The following NKAIN3 variants were observed in gnomAD, a reference collection of about 807,000 sequenced individuals.
The protein encoded by NKAIN3 is sodium/potassium-transporting ATPase subunit beta-1-interacting protein 3.
NKAIN3 carries 25 observed loss-of-function variants against 30.2 expected under a neutral mutation model. That is an observed-to-expected ratio of 0.83 (90% confidence interval 0.60 to 1.16). The LOEUF (loss-of-function observed/expected upper bound fraction) is 1.16. Ranked by LOEUF, NKAIN3 falls within the 50% of genes most tolerant of loss-of-function variation. NKAIN3 has a pLI of 0.00. For missense variants in NKAIN3, 225 were observed against 254.1 expected (o/e 0.89, Z 0.78); for synonymous variants, 91 against 89.6 (o/e 1.02, Z -0.09).
intron 1 of NKAIN3, among the ~76,000 whole-genome samples, chr8:62,477,509 A>C (rs1806559780): frequency 6.6e-6 from 1 of 152,172 alleles, no homozygotes; most frequent in African/African-American, 2.4e-5. Flanking sequence ...AGAGTCCGGG[A>C]AACTATTCCC....
At chr8:62,763,221 C>CAAAAAAAAAAAAAAAAAAA (rs55873861) in intron 4 of NKAIN3, among the ~76,000 whole-genome samples, 1 of 47,162 alleles carries the variant, frequency 2.1e-5, no homozygotes, top group Non-Finnish European at 4.5e-5. Context: ...GACTCCGTCT[C>CAAAAAAAAAAAAAAAAAAA]AAAAAAAAAA....
intron 1 of NKAIN3, among the ~76,000 whole-genome samples, chr8:62,475,770 C>T (rs888574194): frequency 2.0e-5 from 3 of 152,016 alleles, no homozygotes; most frequent in Non-Finnish European, 2.9e-5. Flanking sequence ...GCCTAGGGGC[C>T]CTTGGAAACT....
At chr8:62,411,531 C>T (rs1804236626) in intron 1 of NKAIN3, among the ~76,000 whole-genome samples, 2 of 152,104 alleles carry the variant, frequency 1.3e-5, no homozygotes, top group African/African-American at 4.8e-5. Flanking sequence ...TCTTATTCAA[C>T]GTAGTACTGG....
At chr8:62,905,408 A>G (rs1314985210) in intron 4 of NKAIN3, among the ~76,000 whole-genome samples, 2 of 152,196 alleles carry the variant, frequency 1.3e-5, no homozygotes, top group African/African-American at 4.8e-5. Context: ...TTGTGAATAA[A>G]GATTTAAGAA....
rs547966821 is a variant in NKAIN3, at chr8:62,805,161, C to G, written c.471+58032C>G. Among the ~76,000 whole-genome samples the G allele has an allele frequency of 3.7e-3, 569 of 151,978 alleles. 4 individuals carry two copies. Among genetic ancestry groups the G allele is most frequent in the African/African-American group, 0.013 (541 of 41,410 alleles). ...TCAATGAAATAAAAGAGGATACAAA[C>G]AAATGGAAGAACATTCCATGCTCAT... On this transcript the variant is annotated intron_variant, in intron 4 of 6. Coordinates refer to ENST00000623646, the MANE Select transcript of NKAIN3 (RefSeq NM_001304533.3).
intron 5 of NKAIN3, among the ~76,000 whole-genome samples, chr8:62,921,611 G>C (rs1822278913): frequency 1.3e-5 from 2 of 152,120 alleles, no homozygotes; most frequent in Non-Finnish European, 2.9e-5. Flanking sequence ...GCTCACAAAA[G>C]GCAGAGTGCT....
intron 1 of NKAIN3, among the ~76,000 whole-genome samples, chr8:62,345,943 A>T (rs763948098): frequency 7.3e-4 from 111 of 152,110 alleles, no homozygotes; most frequent in Non-Finnish European, 3.2e-4. Context: ...ACTAGAGAAC[A>T]TTATGTAAGT....
intron 1 of NKAIN3, among the ~76,000 whole-genome samples, chr8:62,250,077 T>G (rs4738947): frequency 0.017 from 2,540 of 152,338 alleles, 81 homozygotes; most frequent in East Asian, 0.12. Flanking sequence ...GCATTGTATT[T>G]TTTTTCGAGT....
chr8:62,447,201 T>C lies in NKAIN3; in HGVS notation c.55-132338T>C, dbSNP rs1805511076. ...GAACTATCCCAGGCAAACCAGGTCA[T>C]GTGGCCACCTTATCCCTTTGAAAGG... On this transcript the variant is annotated intron_variant, in intron 1 of 6. Coordinates refer to ENST00000623646, the MANE Select transcript of NKAIN3 (RefSeq NM_001304533.3). 2.0e-5 allele frequency among the ~76,000 whole-genome samples: 3 copies of C among 152,192 alleles called. No individual in the cohort carries two copies. The South Asian group carries it at 6.2e-4, about 32-fold the overall frequency.
At chr8:62,804,375 G>A (rs1818194454) in intron 4 of NKAIN3, among the ~76,000 whole-genome samples, 1 of 152,096 alleles carries the variant, frequency 6.6e-6, no homozygotes, top group South Asian at 2.1e-4. Context: ...CAATATCCTT[G>A]ATGAACATTG....
chr8:62,550,832 G>A (rs1226052716), intron 1 of NKAIN3, among the ~76,000 whole-genome samples: 6 of 152,100 alleles, frequency 3.9e-5, no homozygotes, highest in Admixed American at 3.9e-4. Flanking sequence ...TTTTTGTCTG[G>A]CACAAGGAGA....
At chr8:62,549,757 A>G (rs1809133443) in intron 1 of NKAIN3, among the ~76,000 whole-genome samples, 1 of 151,666 alleles carries the variant, frequency 6.6e-6, no homozygotes, top group East Asian at 1.9e-4. Context: ...CTGCCTTGCT[A>G]GATAAAAGTT....
chr8:62,449,318 C>T (rs543377580), intron 1 of NKAIN3, among the ~76,000 whole-genome samples: 12 of 152,098 alleles, frequency 7.9e-5, no homozygotes, highest in African/African-American at 2.6e-4. Context: ...TCTATTAAAT[C>T]GTGTCTAACT....
At chr8:62,327,138 A>T (rs1815169050) in intron 1 of NKAIN3, among the ~76,000 whole-genome samples, 1 of 151,890 alleles carries the variant, frequency 6.6e-6, no homozygotes. Flanking sequence ...TGTTGTTTTA[A>T]GTCCTTTGCC....
intron 4 of NKAIN3, among the ~76,000 whole-genome samples, chr8:62,786,874 A>C (rs1442115388): frequency 6.6e-6 from 1 of 152,174 alleles, no homozygotes; most frequent in Admixed American, 6.6e-5. Context: ...TGCAGTTGTC[A>C]GTGCTTGTTC....
intron 4 of NKAIN3, among the ~76,000 whole-genome samples, chr8:62,859,485 T>C (rs577953430): frequency 2.9e-4 from 13 of 44,242 alleles, no homozygotes; most frequent in Non-Finnish European, 8.2e-4. Flanking sequence ...CCCAGATAAC[T>C]TTTTCTATAC....
At chr8:62,913,786 T>C (rs1224637522) in intron 4 of NKAIN3, among the ~76,000 whole-genome samples, 1 of 152,158 alleles carries the variant, frequency 6.6e-6, no homozygotes, top group African/African-American at 2.4e-5. Context: ...AAAACAACAA[T>C]GATCTAATCA....
intron 1 of NKAIN3, among the ~76,000 whole-genome samples, chr8:62,354,805 A>C (rs1816294225): frequency 6.6e-6 from 1 of 152,170 alleles, no homozygotes; most frequent in Non-Finnish European, 1.5e-5. Context: ...TCCAATCCTT[A>C]AGCCCCATTT....
At chr8:62,798,022 G>A (rs1440477570) in intron 4 of NKAIN3, among the ~76,000 whole-genome samples, 1 of 152,082 alleles carries the variant, frequency 6.6e-6, no homozygotes, top group African/African-American at 2.4e-5. Context: ...GACCCATGAG[G>A]GTGGTGTTAT....
Sources: gnomAD v4.1 joint callset for allele counts (sites outside exome capture counted in the v4.1 genomes callset) on GRCh38, gnomAD v4.1.1 for gene constraint, MANE v1.5 for transcripts, NCBI Gene and HGNC (gene_info 2026-07-23, HGNC 2026-07-21) for gene names.